CHRM3: variants seen among roughly 807,000 people sequenced by gnomAD.
CHRM3 encodes cholinergic receptor muscarinic 3.
In CHRM3, 11 loss-of-function variants were observed where a neutral mutation model predicts 41.8. The observed-to-expected ratio is 0.26, with a 90% CI of 0.17 to 0.44. The LOEUF (loss-of-function observed/expected upper bound fraction) is 0.44. Ranked by LOEUF, CHRM3 falls within the 20% of genes least tolerant of loss-of-function variation. The pLI is 1.00. For missense variants in CHRM3, 571 were observed against 745.4 expected (o/e 0.77, Z 2.72); for synonymous variants, 297 against 301.4 (o/e 0.99, Z 0.15).
At chr1:239,459,930 A>G (rs772907454) in intron 1 of CHRM3, among the ~76,000 whole-genome samples, 18 of 152,218 alleles carry the variant, frequency 1.2e-4, no homozygotes, top group Non-Finnish European at 8.8e-5. Context: ...ATAAATAATG[A>G]TCACGCATTA....
chr1:239,441,075 G>T (rs1433966029), intron 1 of CHRM3, among the ~76,000 whole-genome samples: 5 of 152,116 alleles, frequency 3.3e-5, no homozygotes, highest in Admixed American at 1.3e-4. Context: ...GCTAAAAATG[G>T]AGTCTCCTCA....
At chr1:239,795,322 T>G (rs619214) in intron 5 of CHRM3, among the ~76,000 whole-genome samples, 86,414 of 152,062 alleles carry the variant, frequency 0.57, 26,230 homozygotes, top group African/African-American at 0.79. Flanking sequence ...ATCCTTAAAG[T>G]TTGTTTTTCT....
At chr1:239,462,629 T>C (rs1025178567) in intron 1 of CHRM3, among the ~76,000 whole-genome samples, 1 of 152,226 alleles carries the variant, frequency 6.6e-6, no homozygotes, top group Non-Finnish European at 1.5e-5. Context: ...AATATCAAAT[T>C]ACCTACAAAT....
chr1:239,437,640 G>A (rs748423405), intron 1 of CHRM3, among the ~76,000 whole-genome samples: 1 of 152,032 alleles, frequency 6.6e-6, no homozygotes, highest in Non-Finnish European at 1.5e-5. Flanking sequence ...GAGTTCAAGC[G>A]ATTCTCCTAT....
At chr1:239,636,758 G>T (rs570751649) in intron 4 of CHRM3, among the ~76,000 whole-genome samples, 1 of 152,138 alleles carries the variant, frequency 6.6e-6, no homozygotes, top group Non-Finnish European at 1.5e-5. Context: ...ATGAATGTGC[G>T]TCTAATAAAA....
chr1:239,590,579 A>G (rs1664019370), intron 3 of CHRM3, among the ~76,000 whole-genome samples: 1 of 152,166 alleles, frequency 6.6e-6, no homozygotes, highest in Non-Finnish European at 1.5e-5. Flanking sequence ...TTAGAGATTA[A>G]AAATTTCCCC....
chr1:239,742,719 A>G (rs767026898), intron 5 of CHRM3, among the ~76,000 whole-genome samples: 1 of 152,200 alleles, frequency 6.6e-6, no homozygotes, highest in Non-Finnish European at 1.5e-5. Flanking sequence ...TGTGGAATTC[A>G]TTTAATTAGT....
chr1:239,736,836 AACTTAAAATATTC>A (rs1664434872), intron 5 of CHRM3, among the ~76,000 whole-genome samples: 1 of 152,196 alleles, frequency 6.6e-6, no homozygotes, highest in Admixed American at 6.6e-5. Context: ...AAATGGCTGC[AACTTAAAATATTC>A]ACTTAAAATA....
intron 5 of CHRM3, among the ~76,000 whole-genome samples, chr1:239,679,440 T>C (rs981751532): frequency 1.3e-5 from 2 of 152,118 alleles, no homozygotes; most frequent in Admixed American, 6.6e-5. Flanking sequence ...CTGTACTTCC[T>C]TGGGAAGTGC....
rs1332087019 is a variant in CHRM3 at position 239,748,180 on chromosome 1, TAAG to T, written c.-147+69898_-147+69900del. Among the ~76,000 whole-genome samples the T allele has an allele frequency of 6.6e-6, 1 of 152,234 alleles. No homozygotes were observed. Among genetic ancestry groups the T allele is most frequent in the Non-Finnish European group, 1.5e-5 (1 of 68,042 alleles). ...GTTTGCATTATTTTAAACCACCACT[TAAG>T]AAGAAAGTGTATACACACCCGTTAT... On this transcript the variant is annotated intron_variant, in intron 5 of 6. Coordinates refer to ENST00000676153, the MANE Select transcript of CHRM3 (RefSeq NM_001375978.1). This position sits in a 1 kb window ranked among gnomAD's most constrained non-coding sequence, Gnocchi z 4.3.
chr1:239,526,397 G>A (rs947428729), intron 2 of CHRM3, among the ~76,000 whole-genome samples: 6 of 152,172 alleles, frequency 3.9e-5, no homozygotes, highest in South Asian at 2.1e-4. Context: ...ATATTTTTAC[G>A]TGAATTAAGA....
intron 5 of CHRM3, among the ~76,000 whole-genome samples, chr1:239,729,079 G>A (rs548461359): frequency 3.3e-5 from 5 of 152,044 alleles, no homozygotes; most frequent in African/African-American, 7.2e-5. Flanking sequence ...TGGTGTAAAA[G>A]CAGTTGTAAG....
At chr1:239,602,235 C>T (rs753633116) in intron 3 of CHRM3, among the ~76,000 whole-genome samples, 24 of 151,482 alleles carry the variant, frequency 1.6e-4, no homozygotes, top group Non-Finnish European at 1.9e-4. Flanking sequence ...CCCAGGTTCA[C>T]GCCCGTCTTC....
rs539517793 is a variant in CHRM3 at position 239,414,857 on chromosome 1, C to T, written c.-521+27630C>T. ...GTAAAAATACCAATATTAGCATTTA[C>T]AAAAATTTTTGTTTGCTTACTCTGT... On this transcript the variant is annotated intron_variant, in intron 1 of 6. Coordinates refer to ENST00000676153, the MANE Select transcript of CHRM3 (RefSeq NM_001375978.1). Among the ~76,000 whole-genome samples, 19 of 152,154 alleles carry T rather than the reference C, an allele frequency of 1.2e-4. 1 individual carries two copies. Among genetic ancestry groups the T allele is most frequent in the Non-Finnish European group, 2.9e-5 (2 of 68,030 alleles).
In CHRM3 at chr1:239,641,888, T is replaced by C. The variant is rs1331824156; in HGVS notation, c.-250+9602T>C. Among the ~76,000 whole-genome samples the C allele has an allele frequency of 7.8e-5, 10 of 128,352 alleles. 2 individuals carry two copies. Among genetic ancestry groups the C allele is most frequent in the Non-Finnish European group, 1.7e-4 (10 of 60,390 alleles). The allele number at this position is 128,352 out of a possible 152,430, so 84.2% of individuals were successfully genotyped here. On this transcript the variant is annotated intron_variant, in intron 4 of 6. Coordinates refer to ENST00000676153, the MANE Select transcript of CHRM3 (RefSeq NM_001375978.1). ...ATGGTCTTTACAATTTGGCGTGATT[T>C]TGCAGTGGCTGGTACCGGTTGTTCC...
At chr1:239,594,554 G>GT (rs993192966) in intron 3 of CHRM3, among the ~76,000 whole-genome samples, 3 of 152,178 alleles carry the variant, frequency 2.0e-5, no homozygotes, top group Admixed American at 6.5e-5. Flanking sequence ...AAAGTCTGCT[G>GT]TAAGACTGTC....
At chr1:239,503,500 G>C (rs886815598) in intron 2 of CHRM3, among the ~76,000 whole-genome samples, 1 of 151,744 alleles carries the variant, frequency 6.6e-6, no homozygotes, top group Admixed American at 6.6e-5. Flanking sequence ...CAGTCTACAA[G>C]TTCAATGCAA....
chr1:239,610,945 G>A (rs1219729302), intron 3 of CHRM3, among the ~76,000 whole-genome samples: 1 of 152,036 alleles, frequency 6.6e-6, no homozygotes, highest in Non-Finnish European at 1.5e-5. Flanking sequence ...CCAGCTACTC[G>A]GGAGACTGAG....
chr1:239,665,487 G>C (rs1673689849), intron 4 of CHRM3, among the ~76,000 whole-genome samples: 1 of 152,044 alleles, frequency 6.6e-6, no homozygotes, highest in African/African-American at 2.4e-5. Context: ...CATAGAATTT[G>C]AGGCAATTGT....
Sources: gnomAD v4.1 joint callset for allele counts (sites outside exome capture counted in the v4.1 genomes callset) on GRCh38, gnomAD v4.1.1 for gene constraint, Gnocchi (gnomAD v3.1) non-coding constraint, MANE v1.5 for transcripts, NCBI Gene and HGNC (gene_info 2026-07-23, HGNC 2026-07-21) for gene names.